Variants in LRRC18 observed in about 807,000 individuals in gnomAD.
The protein encoded by LRRC18 is leucine rich repeat containing 18, also known as leucine-rich repeat-containing protein 18.
LRRC18 carries 12 observed loss-of-function variants against 11.2 expected under a neutral mutation model. The observed-to-expected ratio is 1.07, with a 90% CI of 0.69 to 1.74. The LOEUF (loss-of-function observed/expected upper bound fraction) is 1.74. Ranked by LOEUF, LRRC18 falls within the 40% of genes most tolerant of loss-of-function variation. The pLI is 0.00. For synonymous variants in LRRC18, 155 were observed against 130.6 expected, an observed-to-expected ratio of 1.19 and a Z score of -1.27; for missense variants, 374 against 330.5, an observed-to-expected ratio of 1.13 and a Z score of -1.02.
At chr10:48,913,669 T>G (rs145385330) in exon 1 of LRRC18, 1,219 of 1,613,598 alleles carry the variant, frequency 7.6e-4, no homozygotes, top group Non-Finnish European at 8.2e-4. Context: ...AGCTTGGAGA[T>G]GCTCACGGGG....
chr10:48,937,391 G>C, the LRRC18 span, among the ~76,000 whole-genome samples: 1 of 152,094 alleles, frequency 6.6e-6, no homozygotes, highest in Non-Finnish European at 1.5e-5. Context: ...TCAGTGTTAG[G>C]GTCCTGGAGC....
chr10:48,913,977 T>A (rs200705098), exon 1 of LRRC18: 1 of 1,614,164 alleles, frequency 6.2e-7, no homozygotes, highest in Admixed American at 1.7e-5. Context: ...CCTGATAAGA[T>A]TCCGGCTAAG....
At chr10:48,916,656 C>T (rs571515089), upstream of LRRC18, among the ~76,000 whole-genome samples, 2 of 152,248 alleles carry the variant, frequency 1.3e-5, no homozygotes, top group South Asian at 4.1e-4. Context: ...CTGGGAGCCA[C>T]AGAGTTCAGA....
exon 1 of LRRC18, chr10:48,914,232 A>G: frequency 6.8e-7 from 1 of 1,472,150 alleles, no homozygotes; most frequent in Non-Finnish European, 9.1e-7. Flanking sequence ...ATCATGAAAA[A>G]CTGCTGAAAG....
At chr10:48,911,103 A>G (rs1245387204) in intron 1 of LRRC18, among the ~76,000 whole-genome samples, 2 of 152,212 alleles carry the variant, frequency 1.3e-5, no homozygotes, top group Non-Finnish European at 2.9e-5. Context: ...GAAATAGCAG[A>G]TTGGCTCCCT....
chr10:48,910,386 TG>T (rs1837890986), intron 1 of LRRC18, 128 bp from the exon 4 acceptor site: 1 of 792,560 alleles, frequency 1.3e-6, no homozygotes. Context: ...TTAGTGTGAA[TG>T]GGGGTTTTGT....
At chr10:48,926,569 A>G in the LRRC18 span, among the ~76,000 whole-genome samples, 1 of 152,234 alleles carries the variant, frequency 6.6e-6, no homozygotes, top group African/African-American at 2.4e-5. Flanking sequence ...ACCACAGGCA[A>G]ATAAGGTCCC....
chr10:48,926,916 C>T, the LRRC18 span, among the ~76,000 whole-genome samples: 3 of 152,212 alleles, frequency 2.0e-5, no homozygotes, highest in Admixed American at 6.5e-5. Flanking sequence ...GCAGGCCCAA[C>T]GCAGTGTGAA....
Position 48,913,860 on chromosome 10 carries a change from AGCAG to A in LRRC18, c.292_295del (p.Leu98SerfsTer10). Reference sequence around the variant, plus strand: ...CCGGTTGTTGCTGACGTTGAGGTAGAGCAGGCTGGTCATCTGGCCAATGGACTCA... The same window carrying A: ...CCGGTTGTTGCTGACGTTGAGGTAGAGCTGGTCATCTGGCCAATGGACTCA... On this transcript the variant is annotated frameshift_variant, in exon 1 of 2. Transcript: ENST00000374160. LOFTEE classifies it high-confidence loss of function. The A allele has an allele frequency of 6.2e-7, 1 of 1,614,058 alleles. No homozygotes were observed. The highest frequency in any genetic ancestry group is 8.5e-7 in the Non-Finnish European group (1 of 1,180,006).
the LRRC18 span, among the ~76,000 whole-genome samples, chr10:48,937,341 C>T: frequency 1.3e-5 from 2 of 152,176 alleles, no homozygotes; most frequent in African/African-American, 4.8e-5. Context: ...GCATTTCATA[C>T]ATTTGGATGA....
the LRRC18 span, among the ~76,000 whole-genome samples, chr10:48,937,884 T>C: frequency 1.3e-5 from 2 of 152,120 alleles, no homozygotes; most frequent in African/African-American, 4.8e-5. Context: ...GGGAGTGTGT[T>C]TGGCTTCTCA....
the LRRC18 span, among the ~76,000 whole-genome samples, chr10:48,932,850 A>AT: frequency 6.6e-6 from 1 of 152,182 alleles, no homozygotes; most frequent in Admixed American, 6.5e-5. Context: ...TGTAACTAGA[A>AT]TGCTAAGAAG....
At chr10:48,916,744 T>A (rs12248022), upstream of LRRC18, among the ~76,000 whole-genome samples, 17,786 of 152,220 alleles carry the variant, frequency 0.12, 2,673 homozygotes, top group African/African-American at 0.35. Context: ...CTGAGCTGCC[T>A]CTGTTTAAAG....
At chr10:48,910,848 AG>A in intron 1 of LRRC18, 1 of 924,760 alleles carries the variant, frequency 1.1e-6, no homozygotes, top group Non-Finnish European at 1.3e-6. Flanking sequence ...GCAGCGGGGA[AG>A]GGAGGACGTG....
the LRRC18 span, among the ~76,000 whole-genome samples, chr10:48,923,506 A>ATATATATATATATATATATATATGTATG: frequency 2.3e-4 from 27 of 115,130 alleles, no homozygotes; most frequent in South Asian, 1.0e-3. Context: ...GTATATATAT[A>ATATATATATATATATATATATATGTATG]TATATATGTC....
At chr10:48,925,860 A>G in the LRRC18 span, among the ~76,000 whole-genome samples, 2 of 152,190 alleles carry the variant, frequency 1.3e-5, no homozygotes, top group Non-Finnish European at 2.9e-5. Context: ...ATTGCCTCAA[A>G]CATGCTGCTG....
At chr10:48,934,959 GC>G in the LRRC18 span, among the ~76,000 whole-genome samples, 3 of 152,206 alleles carry the variant, frequency 2.0e-5, no homozygotes, top group Non-Finnish European at 2.9e-5. Flanking sequence ...CTAGCTAGCT[GC>G]CCTTCCTGAC....
chr10:48,913,919 G>T (rs60751127), exon 1 of LRRC18: 2 of 1,614,068 alleles, frequency 1.2e-6, no homozygotes. Flanking sequence ...TGCTGTGCAG[G>T]TCCAGCCACC....
intron 1 of LRRC18, among the ~76,000 whole-genome samples, chr10:48,912,709 A>G (rs1311087559): frequency 6.6e-6 from 1 of 152,238 alleles, no homozygotes; most frequent in African/African-American, 2.4e-5. Flanking sequence ...GATCTGGAAA[A>G]ACACTGAATG....
Sources: gnomAD v4.1 joint callset for allele counts (sites outside exome capture counted in the v4.1 genomes callset) on GRCh38, gnomAD v4.1.1 for gene constraint, MANE v1.5 for transcripts, NCBI Gene and HGNC (gene_info 2026-07-23, HGNC 2026-07-21) for gene names.